Variants in TRHR observed in about 807,000 individuals in gnomAD.
TRHR encodes thyrotropin releasing hormone receptor.
In TRHR, 14 loss-of-function variants were observed where a neutral mutation model predicts 28.0. The ratio of observed to expected loss-of-function variants is 0.50; its 90% confidence interval spans 0.33 to 0.78. TRHR has a LOEUF of 0.78. Among genes scored for constraint, TRHR ranks in the 30% least tolerant of loss-of-function variants. TRHR has a pLI of 0.02. For synonymous variants in TRHR, 176 were observed against 171.9 expected, an observed-to-expected ratio of 1.02 and a Z score of -0.18; for missense variants, 438 against 469.5, an observed-to-expected ratio of 0.93 and a Z score of 0.62.
At chr8:109,106,260 A>T (rs1416562281) in intron 2 of TRHR, among the ~76,000 whole-genome samples, 1 of 152,170 alleles carries the variant, frequency 6.6e-6, no homozygotes, top group Non-Finnish European at 1.5e-5. Flanking sequence ...CTACAACTTC[A>T]TGAGTGAAGG....
chr8:109,096,657 T>C (rs1811597713), intron 2 of TRHR, among the ~76,000 whole-genome samples: 1 of 152,192 alleles, frequency 6.6e-6, no homozygotes, highest in Non-Finnish European at 1.5e-5. Flanking sequence ...TTGGTCATGG[T>C]TGAATTACTT....
At chr8:109,095,842 A>AT (rs1410787435) in intron 2 of TRHR, among the ~76,000 whole-genome samples, 6 of 146,188 alleles carry the variant, frequency 4.1e-5, no homozygotes, top group Admixed American at 3.4e-4. Context: ...CCCGCCCCCC[A>AT]TAGCTAAGCA....
At position 109,119,277 on chromosome 8, in the gene TRHR, A is replaced by T. The variant is rs761644855; in HGVS notation, c.1019A>T (p.Lys340Met). The T allele has an allele frequency of 6.2e-7, 1 of 1,612,818 alleles. No individual in the cohort carries two copies. The highest frequency in any genetic ancestry group is 1.1e-5 in the South Asian group (1 of 91,058). Residue 340 changes from lysine to methionine, a missense_variant, in exon 3 of 3, where the codon AAG becomes ATG. Transcript: ENST00000518632. ...AGAAAGCTCTGCAACTGCAAGCAGA[A>T]GCCAACAGAGAAACCTGCTAACTAC... ...AFRKLCNCKQKPTEKPANYSV... is the reference protein window; with the variant it reads ...AFRKLCNCKQMPTEKPANYSV...
chr8:109,092,324 C>T (rs969839506), intron 2 of TRHR, among the ~76,000 whole-genome samples: 2 of 151,818 alleles, frequency 1.3e-5, no homozygotes, highest in Non-Finnish European at 2.9e-5. Flanking sequence ...TTAAAAATAT[C>T]GGTCTTTGTT....
chr8:109,097,716 T>C (rs1292515903), intron 2 of TRHR, among the ~76,000 whole-genome samples: 1 of 152,170 alleles, frequency 6.6e-6, no homozygotes, highest in Admixed American at 6.5e-5. Flanking sequence ...GCAGAAGTAG[T>C]CAATGAGGCC....
chr8:109,088,354 T>C (rs1414998088), intron 2 of TRHR, 53 bp downstream of exon 2: 4 of 1,589,678 alleles, frequency 2.5e-6, no homozygotes, highest in African/African-American at 1.3e-5. Context: ...ATAGAGTTCC[T>C]TGGAGATGGG....
At chr8:109,099,774 C>T (rs1384518192) in intron 2 of TRHR, among the ~76,000 whole-genome samples, 1 of 152,166 alleles carries the variant, frequency 6.6e-6, no homozygotes, top group African/African-American at 2.4e-5. Flanking sequence ...TGACTTTTGG[C>T]TATAATCCTT....
rs5777 is a variant in TRHR, at chr8:109,119,990, T to C, written c.*535T>C. ...TTGAGTAAAAATAAGATTTTAGACATACATGTTAACTGTATTTTAAAAGTT... is the reference window on the plus strand; with the variant it reads ...TTGAGTAAAAATAAGATTTTAGACACACATGTTAACTGTATTTTAAAAGTT... On this transcript the variant is annotated 3_prime_UTR_variant, in exon 3 of 3. Coordinates refer to ENST00000518632, the MANE Select transcript of TRHR (RefSeq NM_003301.7). Among the ~76,000 whole-genome samples the C allele has an allele frequency of 4.4e-3, 674 of 152,052 alleles. 8 individuals carry two copies. Among genetic ancestry groups the C allele is most frequent in the African/African-American group, 0.015 (630 of 41,548 alleles).
intron 2 of TRHR, among the ~76,000 whole-genome samples, chr8:109,097,580 A>G (rs1811613621): frequency 6.6e-6 from 1 of 152,208 alleles, no homozygotes; most frequent in African/African-American, 2.4e-5. Context: ...AAGAGACAAG[A>G]AAGTGGTACT....
intron 2 of TRHR, among the ~76,000 whole-genome samples, chr8:109,092,884 T>G (rs1352301739): frequency 6.6e-6 from 1 of 151,798 alleles, no homozygotes; most frequent in Non-Finnish European, 1.5e-5. Flanking sequence ...ACCCCACCTC[T>G]CAAAGACCAA....
intron 2 of TRHR, among the ~76,000 whole-genome samples, chr8:109,116,969 G>GAA (rs2129936942): frequency 6.6e-6 from 1 of 152,114 alleles, no homozygotes; most frequent in South Asian, 2.1e-4. Context: ...GAAACAGGTT[G>GAA]CTCTTCTCCA....
At chr8:109,089,848 AATTC>A (rs2129867887) in intron 2 of TRHR, among the ~76,000 whole-genome samples, 1 of 152,332 alleles carries the variant, frequency 6.6e-6, no homozygotes, top group East Asian at 1.9e-4. Context: ...TCAGGGAGTA[AATTC>A]ATTCATTAGA....
At chr8:109,102,345 T>C (rs1811690187) in intron 2 of TRHR, among the ~76,000 whole-genome samples, 1 of 152,084 alleles carries the variant, frequency 6.6e-6, no homozygotes, top group Non-Finnish European at 1.5e-5. Context: ...AGACTTGATA[T>C]TGATGGCGCA....
In TRHR at chr8:109,119,072, G is replaced by A. The variant is rs769313497; in HGVS notation, c.814G>A (p.Val272Ile). Residue 272 changes from valine (V) to isoleucine (I), a missense_variant, in exon 3 of 3, where the codon GTA (valine) becomes ATA (isoleucine). Transcript: ENST00000518632. ...GGTCACCAAGATGCTGGCAGTGGTT[G>A]TAATTCTGTTTGCCCTTTTATGGAT... ...KQVTKMLAVV[V>I]ILFALLWMPY... 1 of 1,612,796 alleles carries A rather than the reference G, an allele frequency of 6.2e-7. No individual in the cohort carries two copies. The highest frequency in any genetic ancestry group is 1.1e-5 in the South Asian group (1 of 91,054).
chr8:109,109,632 T>A (rs1811800074), intron 2 of TRHR, among the ~76,000 whole-genome samples: 1 of 152,188 alleles, frequency 6.6e-6, no homozygotes, highest in Admixed American at 6.5e-5. Flanking sequence ...AAGCACTGCA[T>A]AGTTCCTGTC....
intron 2 of TRHR, among the ~76,000 whole-genome samples, chr8:109,105,395 A>T (rs1469432601): frequency 2.4e-4 from 37 of 152,312 alleles, no homozygotes; most frequent in Non-Finnish European, 1.0e-4. Context: ...ATTGTCTTAC[A>T]TGTGTGACAA....
chr8:109,118,775 A>G (rs1811957185), intron 2 of TRHR, among the ~76,000 whole-genome samples: 1 of 151,866 alleles, frequency 6.6e-6, no homozygotes, highest in Admixed American at 6.6e-5. Context: ...ATAATTCTCA[A>G]TTGCATTACT....
intron 2 of TRHR, among the ~76,000 whole-genome samples, chr8:109,103,410 C>T (rs545518932): frequency 6.6e-6 from 1 of 152,308 alleles, no homozygotes; most frequent in Admixed American, 6.5e-5. Flanking sequence ...TATTTTGCTA[C>T]TGCCTTGACC....
chr8:109,101,004 C>T (rs1811671261), intron 2 of TRHR, among the ~76,000 whole-genome samples: 1 of 152,000 alleles, frequency 6.6e-6, no homozygotes, highest in Admixed American at 6.6e-5. Context: ...GAAATAAGGC[C>T]TTTATTTAGT....
Sources: gnomAD v4.1 joint callset for allele counts (sites outside exome capture counted in the v4.1 genomes callset) on GRCh38, gnomAD v4.1.1 for gene constraint, MANE v1.5 for transcripts, NCBI Gene and HGNC (gene_info 2026-07-23, HGNC 2026-07-21) for gene names.